The following MID1 variants were observed in gnomAD, a reference collection of about 807,000 sequenced individuals.
The protein encoded by MID1 is E3 ubiquitin-protein ligase Midline-1.
A neutral mutation model predicts 40.4 loss-of-function variants in MID1; 7 were observed. The observed-to-expected ratio is 0.17, with a 90% CI of 0.10 to 0.33. The LOEUF (loss-of-function observed/expected upper bound fraction) is 0.33, where lower values mean the gene tolerates loss of function less well. Among genes scored for constraint, MID1 ranks in the 10% least tolerant of loss-of-function variants. The probability of loss-of-function intolerance (pLI) is 1.00; values close to 1 mark genes in which losing one functional copy is unlikely to be tolerated. For synonymous variants in MID1, 229 were observed against 221.2 expected (o/e 1.04, Z -0.31); for missense variants, 367 against 558.5 (o/e 0.66, Z 3.46).
chrX:10,744,497 A>G (rs1484426332), intron 1 of MID1, among the ~76,000 whole-genome samples: 1 of 111,274 alleles, frequency 9.0e-6, no homozygotes, highest in Non-Finnish European at 1.9e-5. Context: ...TGACCAAGTG[A>G]GCTAACTAGC....
chrX:10,637,823 G>A (rs969336643), intron 1 of MID1, among the ~76,000 whole-genome samples: 3 of 111,539 alleles, frequency 2.7e-5, no homozygotes, highest in East Asian at 2.8e-4. Context: ...GTAATGTACA[G>A]ATGAACTTCT....
intron 1 of MID1, among the ~76,000 whole-genome samples, chrX:10,616,200 T>C (rs983394431): frequency 1.8e-5 from 2 of 112,148 alleles, no homozygotes; most frequent in African/African-American, 6.5e-5. Flanking sequence ...GTTCTGAAAA[T>C]AAAAACGTTC....
chrX:10,466,402 A>G, intron 7 of MID1, among the ~76,000 whole-genome samples: 1 of 110,270 alleles, frequency 9.1e-6, no homozygotes, highest in Non-Finnish European at 1.9e-5. Context: ...TGTGTGGATC[A>G]GTGTGTTATG....
chrX:10,625,711 AAATGTCAGAATATAATGC>A (rs1935988853), intron 1 of MID1, among the ~76,000 whole-genome samples: 2 of 112,259 alleles, frequency 1.8e-5, no homozygotes, highest in African/African-American at 6.5e-5. Flanking sequence ...ACTATCAATC[AAATGTCAGAATATAATGC>A]AATTGTTTTC....
At chrX:10,467,721 G>C (rs943495704) in intron 7 of MID1, among the ~76,000 whole-genome samples, 1 of 111,993 alleles carries the variant, frequency 8.9e-6, no homozygotes, top group Non-Finnish European at 1.9e-5. Context: ...GGTATGGCCT[G>C]GGTAGCCCTC....
Position 10,817,839 on chromosome X carries a change from G to A in MID1, c.-187+15715C>T, listed in dbSNP as rs752678772. On this transcript the variant is annotated intron_variant, in intron 1 of 10. Coordinates refer to the MID1 transcript ENST00000380785. ...TTGCCATGTTGGCCAGGCTGGTCTC[G>A]AACTCCTGACCTCAGGTGATCCGCC... is the stretch of plus-strand genomic sequence containing the variant. Among the ~76,000 whole-genome samples the A allele has an allele frequency of 2.7e-5, 3 of 110,250 alleles. No homozygotes were observed. In the East Asian group the frequency reaches 8.6e-4, roughly 32 times the overall value.
At chrX:10,454,125 A>T (rs1214068981) in intron 9 of MID1, among the ~76,000 whole-genome samples, 1 of 111,917 alleles carries the variant, frequency 8.9e-6, no homozygotes, top group Non-Finnish European at 1.9e-5. Context: ...ACTAATTCCA[A>T]TGTAATTGTG....
chrX:10,712,863 G>A (rs1398601819), intron 1 of MID1, among the ~76,000 whole-genome samples: 1 of 111,210 alleles, frequency 9.0e-6, no homozygotes, highest in Non-Finnish European at 1.9e-5. Context: ...TTGAGATGGA[G>A]TCTTGCTCTG....
intron 1 of MID1, among the ~76,000 whole-genome samples, chrX:10,694,824 T>A (rs1043663432): frequency 8.9e-6 from 1 of 112,224 alleles, no homozygotes; most frequent in Non-Finnish European, 1.9e-5. Flanking sequence ...CATAATTGAC[T>A]CCATCTTGCC....
chrX:10,801,920 T>C (rs776737563), intron 1 of MID1, among the ~76,000 whole-genome samples: 2 of 111,775 alleles, frequency 1.8e-5, no homozygotes, highest in Admixed American at 1.9e-4. Context: ...CGGTGGCTCA[T>C]GCTTGTAATC....
chrX:10,589,561 G>A (rs1010526847), intron 1 of MID1: 2 of 111,729 alleles, frequency 1.8e-5, no homozygotes, highest in African/African-American at 3.3e-5. Flanking sequence ...CAAATGGAGT[G>A]GGCAAGTTCC....
rs138220505 is a variant in MID1, at chrX:10,812,875, C to A, written c.-187+20679G>T. On this transcript the variant is annotated intron_variant, in intron 1 of 10. Coordinates refer to the MID1 transcript ENST00000380785. Reference sequence around the variant, plus strand: ...ATCTATGATGAACTGGCAAGCCACTCTCCCTGTGTGTTTTCCCTTCAGACT... The same window carrying A: ...ATCTATGATGAACTGGCAAGCCACTATCCCTGTGTGTTTTCCCTTCAGACT... Among the ~76,000 whole-genome samples the A allele has an allele frequency of 6.3e-5, 7 of 111,187 alleles. No homozygotes were observed. The East Asian group carries it at 2.0e-3, about 31-fold the overall frequency.
At chrX:10,544,042 G>C (rs1027549394) in intron 2 of MID1, among the ~76,000 whole-genome samples, 4 of 111,298 alleles carry the variant, frequency 3.6e-5, no homozygotes, top group African/African-American at 1.3e-4. Context: ...TACTCAGGCT[G>C]TTTCCCAGGG....
intron 1 of MID1, among the ~76,000 whole-genome samples, chrX:10,780,891 C>T (rs912768395): frequency 1.2e-4 from 13 of 111,248 alleles, no homozygotes; most frequent in Non-Finnish European, 1.9e-4. Context: ...CTCTCTTGTG[C>T]GCAGTTCACA....
Position 10,579,158 on chromosome X carries a change from T to C in MID1, c.-56-11555A>G, listed in dbSNP as rs183487156. 9.8e-3 allele frequency among the ~76,000 whole-genome samples: 1,102 copies of C among 111,942 alleles called. 15 individuals carry two copies. Among genetic ancestry groups the C allele is most frequent in the African/African-American group, 0.034 (1,044 of 30,810 alleles). On this transcript the variant is annotated intron_variant, in intron 1 of 9. Transcript: ENST00000317552. ...TGCAGAAACAGAAACCTGTAGATAA[T>C]GTTTATTTAAAAACAACTGCCTGCT... is the stretch of plus-strand genomic sequence containing the variant.
rs759969658 is a variant in MID1, at chrX:10,526,324, G to GT, written c.661-3138dup. Among the ~76,000 whole-genome samples, 574 of 103,791 alleles carry GT rather than the reference G, an allele frequency of 5.5e-3. 1 individual carries two copies. Among genetic ancestry groups the GT allele is most frequent in the Middle Eastern group, 0.015 (3 of 197 alleles). The allele number at this position is 103,791 out of a possible 115,157, so 90.1% of individuals were successfully genotyped here. Reference sequence around the variant, plus strand: ...AACAACAACAACAACAAAAGCCAAAGTTTTTTTTTTTTATTGTTTGGATTA... The same window carrying GT: ...AACAACAACAACAACAAAAGCCAAAGTTTTTTTTTTTTTATTGTTTGGATTA... On this transcript the variant is annotated intron_variant, in intron 2 of 9. Transcript: ENST00000317552.
chrX:10,552,028 G>A (rs1188422670), intron 2 of MID1, among the ~76,000 whole-genome samples: 1 of 110,540 alleles, frequency 9.0e-6, no homozygotes, highest in Non-Finnish European at 1.9e-5. Flanking sequence ...GGGCTCAAGC[G>A]ATTCTCCTGC....
At chrX:10,536,622 A>G (rs1266004594) in intron 2 of MID1, among the ~76,000 whole-genome samples, 1 of 112,743 alleles carries the variant, frequency 8.9e-6, no homozygotes, top group Non-Finnish European at 1.9e-5. Flanking sequence ...TATAACAATT[A>G]CAAATTGCAA....
intron 1 of MID1, among the ~76,000 whole-genome samples, chrX:10,606,514 T>C (rs1935628266): frequency 9.0e-6 from 1 of 111,665 alleles, no homozygotes; most frequent in African/African-American, 3.3e-5. Flanking sequence ...ATAAACACAT[T>C]GAATCAGAGG....
Sources: gnomAD v4.1 joint callset for allele counts (sites outside exome capture counted in the v4.1 genomes callset) on GRCh38, gnomAD v4.1.1 for gene constraint, MANE v1.5 for transcripts, NCBI Gene and HGNC (gene_info 2026-07-23, HGNC 2026-07-21) for gene names.